Variants in RHOBTB3 observed in about 807,000 individuals in gnomAD.
The protein encoded by RHOBTB3 is rho-related BTB domain-containing protein 3.
Under a neutral mutation model 67.2 loss-of-function variants are expected in RHOBTB3, and 47 were observed. The ratio of observed to expected loss-of-function variants is 0.70; its 90% CI spans 0.55 to 0.89. RHOBTB3 has a LOEUF of 0.89. Among genes scored for constraint, RHOBTB3 ranks in the 40% least tolerant of loss-of-function variants. RHOBTB3 has a pLI of 0.00. For missense variants in RHOBTB3, 631 were observed against 750.0 expected (o/e 0.84, Z 1.85); for synonymous variants, 273 against 274.2 (o/e 1.00, Z 0.04).
In RHOBTB3 at chr5:95,731,393, C is replaced by T; in HGVS notation, c.-290C>T. 1 of 1,174,628 alleles carries T rather than the reference C, an allele frequency of 8.5e-7. No individual in the cohort carries two copies. The highest frequency in any genetic ancestry group is 1.0e-6 in the Non-Finnish European group (1 of 954,424). The allele number at this position is 1,174,628 out of a possible 1,614,324, so 72.8% of individuals were successfully genotyped here. A position where few individuals can be genotyped will look rare whatever the true frequency, so the allele number is the denominator to read the frequency against. ...GCGGCGGAGAGGGGACTGCGGTCAG[C>T]TGCGTCCACTTGGGGCTGTGCGGCG... is the stretch of plus-strand genomic sequence containing the variant. On this transcript the variant is annotated 5_prime_UTR_variant, in exon 1 of 12. Transcript: ENST00000379982.
rs1745040812 is a variant in RHOBTB3, at chr5:95,749,949, A to G, written c.570+1462A>G. On this transcript the variant is annotated intron_variant, in intron 4 of 11. Coordinates refer to ENST00000379982, the MANE Select transcript of RHOBTB3 (RefSeq NM_014899.4). ...TTTCTTCCTAATATCTAATGTTGCAATTAGGGTTAGAGGCATGATGAGGAT... is the reference window on the plus strand; with the variant it reads ...TTTCTTCCTAATATCTAATGTTGCAGTTAGGGTTAGAGGCATGATGAGGAT... Among the ~76,000 whole-genome samples the G allele has an allele frequency of 2.0e-5, 3 of 151,990 alleles. No homozygotes were observed. The South Asian group carries it at 6.2e-4, about 32-fold the overall frequency.
At chr5:95,759,129 G>A (rs1428073567) in intron 6 of RHOBTB3, among the ~76,000 whole-genome samples, 2 of 152,228 alleles carry the variant, frequency 1.3e-5, no homozygotes, top group Admixed American at 1.3e-4. Context: ...CAGGCATGAT[G>A]GTGTGGAGAG....
At chr5:95,719,943 G>T (rs752739712) in intron 1 of RHOBTB3, among the ~76,000 whole-genome samples, 1 of 152,188 alleles carries the variant, frequency 6.6e-6, no homozygotes, top group Non-Finnish European at 1.5e-5. Flanking sequence ...TGTACTCCAG[G>T]TGCTTAAAAA....
At chr5:95,762,292 G>C (rs983443224) in intron 6 of RHOBTB3, among the ~76,000 whole-genome samples, 1 of 152,216 alleles carries the variant, frequency 6.6e-6, no homozygotes, top group African/African-American at 2.4e-5. Flanking sequence ...TCAGCTGTAA[G>C]AGCCTGAGAG....
chr5:95,721,491 G>C (rs1210461182), intron 1 of RHOBTB3, among the ~76,000 whole-genome samples: 1 of 152,106 alleles, frequency 6.6e-6, no homozygotes, highest in African/African-American at 2.4e-5. Flanking sequence ...TGGGCAGGGG[G>C]TTTGGATCTG....
intron 1 of RHOBTB3, among the ~76,000 whole-genome samples, chr5:95,722,647 G>GCC (rs1259383018): frequency 6.6e-6 from 1 of 152,130 alleles, no homozygotes; most frequent in African/African-American, 2.4e-5. Context: ...CCGCCACCAT[G>GCC]CCCGGCTAAT....
chr5:95,717,842 A>G (rs1371780373), intron 1 of RHOBTB3: 2 of 152,188 alleles, frequency 1.3e-5, no homozygotes, highest in African/African-American at 4.8e-5. Context: ...GAAGGGACAT[A>G]TAGGATGGGG....
intron 3 of RHOBTB3, among the ~76,000 whole-genome samples, chr5:95,737,303 G>T (rs1435524014): frequency 6.6e-6 from 1 of 152,246 alleles, no homozygotes; most frequent in Admixed American, 6.5e-5. Flanking sequence ...CTTCTAAATG[G>T]CTCTTCTACA....
At position 95,750,524 on chromosome 5, in the gene RHOBTB3, A is replaced by G. The variant is rs531665367; in HGVS notation, c.571-1715A>G. ...CTATGGCTACATGTGGCTAGTGGCT[A>G]CTGTATTATATAATGCATATATTAC... On this transcript the variant is annotated intron_variant, in intron 4 of 11. Transcript: ENST00000379982. 8.5e-5 allele frequency among the ~76,000 whole-genome samples: 13 copies of G among 152,328 alleles called. 1 individual carries two copies. The South Asian group carries it at 2.7e-3, about 32-fold the overall frequency.
At chr5:95,749,186 T>A (rs562692688) in intron 4 of RHOBTB3, among the ~76,000 whole-genome samples, 1 of 152,214 alleles carries the variant, frequency 6.6e-6, no homozygotes, top group Non-Finnish European at 1.5e-5. Context: ...AAGAAGCAAC[T>A]CCTCTCAACA....
At chr5:95,720,265 C>A (rs1050939178) in intron 1 of RHOBTB3, among the ~76,000 whole-genome samples, 2 of 152,162 alleles carry the variant, frequency 1.3e-5, no homozygotes, top group Non-Finnish European at 2.9e-5. Flanking sequence ...CCTGAGCAGC[C>A]CAGCTGGCCT....
At chr5:95,775,470 A>C (rs1211033786) in intron 8 of RHOBTB3, among the ~76,000 whole-genome samples, 3 of 150,172 alleles carry the variant, frequency 2.0e-5, no homozygotes, top group Admixed American at 2.0e-4. Context: ...GTATATACAT[A>C]TCTCTCTCTT....
chr5:95,738,156 G>A (rs1020001447), intron 3 of RHOBTB3, among the ~76,000 whole-genome samples: 7 of 152,020 alleles, frequency 4.6e-5, no homozygotes, highest in African/African-American at 1.7e-4. Flanking sequence ...ACCCAGGAGC[G>A]GGATTGTTGG....
intron 11 of RHOBTB3, among the ~76,000 whole-genome samples, chr5:95,790,461 A>G (rs967713344): frequency 2.6e-5 from 4 of 152,226 alleles, no homozygotes; most frequent in South Asian, 2.1e-4. Context: ...ATGGAGTACT[A>G]TTACAACCTT....
Position 95,755,382 on chromosome 5 carries a change from C to T in RHOBTB3, c.683-14C>T. 2 of 1,474,780 alleles carry T rather than the reference C, an allele frequency of 1.4e-6. No individual in the cohort carries two copies. Among genetic ancestry groups the T allele is most frequent in the Non-Finnish European group, 1.8e-6 (2 of 1,113,418 alleles). The allele number at this position is 1,474,780 out of a possible 1,614,324, so 91.4% of individuals were successfully genotyped here. ...GAAAGGAGTTTATTATTTTTATTTT[C>T]TTTTTCAAAACAGAAAAAATGCCTG... On this transcript the variant is annotated splice_polypyrimidine_tract_variant and intron_variant, in intron 5 of 11. Coordinates refer to ENST00000379982, the MANE Select transcript of RHOBTB3 (RefSeq NM_014899.4).
Position 95,755,612 on chromosome 5 carries a change from G to A in RHOBTB3, c.899G>A (p.Arg300Gln), listed in dbSNP as rs1745221188. Residue 300 changes from arginine to glutamine, a missense_variant, in exon 6 of 12, where the codon CGA (arginine) becomes CAA (glutamine). Arg to Gln is a conservative substitution (Grantham distance 43). Transcript: ENST00000379982. ...GACATTCAGGATTCCAGTATCATCC[G>A]AACTACCCAGGATCTTTTTGCTATA... is the stretch of plus-strand genomic sequence containing the variant. The part of the protein sequence containing the change: ...PTDIQDSSII[R>Q]TTQDLFAINR... 9.3e-6 allele frequency: 15 copies of A among 1,614,062 alleles called. No individual in the cohort carries two copies. Among genetic ancestry groups the A allele is most frequent in the East Asian group, 2.2e-5 (1 of 44,882 alleles).
At position 95,793,162 on chromosome 5, in the gene RHOBTB3, CT is replaced by C; in HGVS notation, c.1826del (p.Leu609Ter). 1 of 1,605,486 alleles carries C rather than the reference CT, an allele frequency of 6.2e-7. No homozygotes were observed. The highest frequency in any genetic ancestry group is 8.5e-7 in the Non-Finnish European group (1 of 1,173,602). On this transcript the variant is annotated frameshift_variant, in exon 12 of 12. Coordinates refer to ENST00000379982, the MANE Select transcript of RHOBTB3 (RefSeq NM_014899.4). LOFTEE classifies it high-confidence loss of function. ...ATATTCACTCCCGGAAATGTCGTTG[CT>C]TAGTAATGTAACCTGGAGCTTTTAT... is the stretch of plus-strand genomic sequence containing the variant. The part of the protein sequence containing the change: ...KYIHSRKCRC[L>X]VM
At chr5:95,755,969 TC>T in intron 6 of RHOBTB3, 1 of 503,242 alleles carries the variant, frequency 2.0e-6, no homozygotes, top group South Asian at 3.5e-5. Context: ...CCTCATCTTT[TC>T]CCTATCAATT....
At chr5:95,719,562 A>C (rs961709511) in intron 1 of RHOBTB3, 1 of 152,222 alleles carries the variant, frequency 6.6e-6, no homozygotes, top group Non-Finnish European at 1.5e-5. Context: ...AGCTCTGGAG[A>C]TTCCAAGTTT....
Sources: allele counts gnomAD v4.1 joint callset (sites outside exome capture counted in the v4.1 genomes callset), GRCh38; gene constraint gnomAD v4.1.1; transcripts MANE v1.5; gene names NCBI Gene and HGNC (gene_info 2026-07-23, HGNC 2026-07-21).